The following MAMDC2 variants were observed in gnomAD, a reference collection of about 807,000 sequenced individuals.
MAMDC2 encodes the protein MAM domain containing 2.
A neutral mutation model predicts 89.8 loss-of-function variants in MAMDC2; 57 were observed. The observed-to-expected ratio is 0.63, with a 90% CI of 0.51 to 0.79. The LOEUF is 0.79. MAMDC2 is among the 30% of genes least tolerant of loss of function. The pLI is 0.00. For synonymous variants in MAMDC2, 313 were observed against 293.4 expected (o/e 1.07, Z -0.68); for missense variants, 800 against 820.6 (o/e 0.97, Z 0.31).
chr9:70,164,050 A>T (rs2032082043), intron 9 of MAMDC2, among the ~76,000 whole-genome samples: 1 of 152,070 alleles, frequency 6.6e-6, no homozygotes, highest in Non-Finnish European at 1.5e-5. Flanking sequence ...TAATCCACAC[A>T]GCAGTTTTCT....
chr9:70,218,911 C>A (rs1238714995), intron 12 of MAMDC2, among the ~76,000 whole-genome samples: 1 of 152,194 alleles, frequency 6.6e-6, no homozygotes, highest in Non-Finnish European at 1.5e-5. Context: ...AAAACGAAGT[C>A]TTTTCTTCTA....
At chr9:70,188,387 T>C (rs2032805470) in intron 11 of MAMDC2, among the ~76,000 whole-genome samples, 1 of 150,912 alleles carries the variant, frequency 6.6e-6, no homozygotes, top group Non-Finnish European at 1.5e-5. Context: ...ATCTTCTTTT[T>C]GTTCCTTTAT....
At chr9:70,108,957 A>G (rs2118258337) in intron 3 of MAMDC2, among the ~76,000 whole-genome samples, 1 of 152,340 alleles carries the variant, frequency 6.6e-6, no homozygotes, top group Admixed American at 6.5e-5. Flanking sequence ...CTTTTCAAAG[A>G]GGGAAGTTGT....
intron 2 of MAMDC2, among the ~76,000 whole-genome samples, chr9:70,054,704 G>C (rs976528516): frequency 3.9e-5 from 6 of 152,102 alleles, no homozygotes; most frequent in African/African-American, 1.4e-4. Context: ...CTCTGGATTA[G>C]ATCCAAGTTC....
chr9:70,193,559 C>T (rs2032924809), intron 11 of MAMDC2, among the ~76,000 whole-genome samples: 1 of 152,044 alleles, frequency 6.6e-6, no homozygotes, highest in South Asian at 2.1e-4. Context: ...GCCTGTCTTG[C>T]TCATTTATTG....
intron 2 of MAMDC2, chr9:70,090,554 A>C (rs1827873518): frequency 6.6e-6 from 1 of 152,050 alleles, no homozygotes; most frequent in Admixed American, 6.6e-5. Context: ...GCACTGGGAT[A>C]CCATTTTTTA....
intron 1 of MAMDC2, among the ~76,000 whole-genome samples, 154 bp from the exon 2 acceptor site, chr9:70,044,430 C>T (rs943978534): frequency 6.6e-6 from 1 of 152,084 alleles, no homozygotes; most frequent in African/African-American, 2.4e-5. Flanking sequence ...AGTGGAGGCG[C>T]CCGGGGATGC....
At chr9:70,094,968 T>C (rs1827989281) in intron 2 of MAMDC2, among the ~76,000 whole-genome samples, 1 of 152,188 alleles carries the variant, frequency 6.6e-6, no homozygotes, top group African/African-American at 2.4e-5. Flanking sequence ...ATGGTAGATA[T>C]GTTAGGCTAA....
At chr9:70,118,297 AACACACACACACACACACACACAC>A (rs6151026) in intron 5 of MAMDC2, among the ~76,000 whole-genome samples, 76,139 of 140,492 alleles carry the variant, frequency 0.54, 20,861 homozygotes, top group Admixed American at 0.65. Context: ...ATCCCCACTC[AACACACACACACACACACACACAC>A]ACACACACAC....
Position 70,077,902 on chromosome 9 carries a change from G to A in MAMDC2, c.149-30309G>A, listed in dbSNP as rs772311958. 3.4e-4 allele frequency among the ~76,000 whole-genome samples: 50 copies of A among 146,424 alleles called. 1 individual carries two copies. The highest frequency in any genetic ancestry group is 8.9e-5 in the Non-Finnish European group (6 of 67,510). Reference sequence around the variant, plus strand: ...GAAAGCCCAGCCCAAACAACAAAAGGTGTGAAGTTACAACACTGCACTGCA... The same window carrying A: ...GAAAGCCCAGCCCAAACAACAAAAGATGTGAAGTTACAACACTGCACTGCA... On this transcript the variant is annotated intron_variant, in intron 2 of 13. Coordinates refer to ENST00000377182, the MANE Select transcript of MAMDC2 (RefSeq NM_153267.5).
rs140704680 is a variant in MAMDC2 at position 70,155,030 on chromosome 9, C to T, written c.1404+11211C>T. Among the ~76,000 whole-genome samples the T allele has an allele frequency of 3.6e-3, 547 of 152,218 alleles. 2 individuals carry two copies. Among genetic ancestry groups the T allele is most frequent in the Non-Finnish European group, 5.5e-3 (376 of 68,018 alleles). On this transcript the variant is annotated intron_variant, in intron 9 of 13. Coordinates refer to ENST00000377182, the MANE Select transcript of MAMDC2 (RefSeq NM_153267.5). ...ATGGTCAGTGATGTGGTTGCTTCCA[C>T]GTCATACCCTCCCCACCTGCAGGTC...
intron 2 of MAMDC2, chr9:70,060,666 C>G (rs1827129440): frequency 6.6e-6 from 1 of 152,024 alleles, no homozygotes; most frequent in African/African-American, 2.4e-5. Context: ...AAGACACTGC[C>G]CAGTCATGAG....
At chr9:70,070,662 T>C (rs958497950) in intron 2 of MAMDC2, among the ~76,000 whole-genome samples, 1 of 152,212 alleles carries the variant, frequency 6.6e-6, no homozygotes, top group Non-Finnish European at 1.5e-5. Context: ...TGATATAGTC[T>C]TGTGGCCTGC....
chr9:70,155,115 T>G (rs573446181), intron 9 of MAMDC2, among the ~76,000 whole-genome samples: 1 of 152,254 alleles, frequency 6.6e-6, no homozygotes, highest in South Asian at 2.1e-4. Context: ...GCTTTCATCT[T>G]TACCCCAGTC....
chr9:70,124,162 C>A (rs1432331035), intron 5 of MAMDC2, among the ~76,000 whole-genome samples: 1 of 152,162 alleles, frequency 6.6e-6, no homozygotes, highest in African/African-American at 2.4e-5. Flanking sequence ...AGGGGCCAGG[C>A]TTCTCACCCC....
At chr9:70,133,335 T>G (rs1732934593) in intron 7 of MAMDC2, among the ~76,000 whole-genome samples, 1 of 152,034 alleles carries the variant, frequency 6.6e-6, no homozygotes, top group South Asian at 2.1e-4. Context: ...AAAAGAGAAT[T>G]TGTGTGAGCT....
chr9:70,116,788 C>T (rs891868815), intron 5 of MAMDC2, among the ~76,000 whole-genome samples: 3 of 151,814 alleles, frequency 2.0e-5, no homozygotes, highest in Non-Finnish European at 4.4e-5. Flanking sequence ...AGGGTCAAGA[C>T]GTAAGCATAG....
intron 2 of MAMDC2, chr9:70,083,050 A>G (rs73650527): frequency 6.6e-6 from 1 of 152,206 alleles, no homozygotes; most frequent in African/African-American, 2.4e-5. Flanking sequence ...TTTAGCGCCT[A>G]GCATCTCCTG....
intron 11 of MAMDC2, among the ~76,000 whole-genome samples, chr9:70,178,106 A>G (rs1011486371): frequency 3.3e-5 from 5 of 152,194 alleles, no homozygotes; most frequent in Admixed American, 1.3e-4. Flanking sequence ...GTGTGAGCTC[A>G]ATGTGGCTGA....
Sources: gnomAD v4.1 joint callset for allele counts (sites outside exome capture counted in the v4.1 genomes callset) on GRCh38, gnomAD v4.1.1 for gene constraint, MANE v1.5 for transcripts, NCBI Gene and HGNC (gene_info 2026-07-23, HGNC 2026-07-21) for gene names.